PDE7A: variants seen among roughly 807,000 people sequenced by gnomAD.
PDE7A encodes phosphodiesterase 7A.
Under a neutral mutation model 64.3 loss-of-function variants are expected in PDE7A, and 39 were observed. That is an observed-to-expected ratio of 0.61 (90% confidence interval 0.47 to 0.79). The LOEUF (loss-of-function observed/expected upper bound fraction) is 0.79, where lower values mean the gene tolerates loss of function less well. Among genes scored for constraint, PDE7A ranks in the 30% least tolerant of loss-of-function variants. PDE7A has a pLI of 0.00. For synonymous variants in PDE7A, 203 were observed against 206.8 expected, an observed-to-expected ratio of 0.98 and a Z score of 0.16; for missense variants, 470 against 582.8, an observed-to-expected ratio of 0.81 and a Z score of 1.99.
chr8:65,837,346 T>C (rs57261641), intron 1 of PDE7A, among the ~76,000 whole-genome samples: 13,159 of 152,182 alleles, frequency 0.086, 1,706 homozygotes, highest in African/African-American at 0.28. Flanking sequence ...AACAAAAAAT[T>C]ACTACAGGCT....
At chr8:65,833,598 G>C (rs1250463918) in intron 1 of PDE7A, among the ~76,000 whole-genome samples, 1 of 152,242 alleles carries the variant, frequency 6.6e-6, no homozygotes, top group African/African-American at 2.4e-5. Context: ...TTAATGTCTG[G>C]AAACTCAGTT....
At chr8:65,751,733 C>T (rs1807976177) in intron 3 of PDE7A, among the ~76,000 whole-genome samples, 2 of 152,226 alleles carry the variant, frequency 1.3e-5, no homozygotes, top group South Asian at 4.1e-4. Context: ...CTCAGGTGAT[C>T]TGCCTGCCGC....
chr8:65,774,797 G>C (rs1809210000), intron 3 of PDE7A, among the ~76,000 whole-genome samples: 1 of 151,576 alleles, frequency 6.6e-6, no homozygotes, highest in Non-Finnish European at 1.5e-5. Context: ...CCAAAACAAA[G>C]AAAAATTTAA....
At chr8:65,738,208 A>T (rs1807238077) in intron 6 of PDE7A, among the ~76,000 whole-genome samples, 1 of 152,234 alleles carries the variant, frequency 6.6e-6, no homozygotes, top group African/African-American at 2.4e-5. Context: ...ATAAAATGCT[A>T]ATCATTATGT....
rs1811068563 is a variant in PDE7A at position 65,840,969 on chromosome 8, G to A, written c.138+402C>T. ...GGAGGAGAGGCGCGAACCCCGTACA[G>A]TTGTGTGTATGGGAAGGGGGACAGG... is the stretch of plus-strand genomic sequence containing the variant. On this transcript the variant is annotated intron_variant, in intron 1 of 12. Coordinates refer to ENST00000401827, the MANE Select transcript of PDE7A (RefSeq NM_001242318.3). Among the ~76,000 whole-genome samples the A allele has an allele frequency of 2.6e-5, 4 of 152,250 alleles. No individual in the cohort carries two copies. The South Asian group carries it at 8.3e-4, about 31-fold the overall frequency.
chr8:65,765,824 G>A (rs1808754499), intron 3 of PDE7A, among the ~76,000 whole-genome samples: 1 of 152,252 alleles, frequency 6.6e-6, no homozygotes, highest in South Asian at 2.1e-4. Context: ...CATGCATAAT[G>A]GGATTATAAT....
chr8:65,770,121 CTGTGTGTGTGTG>C (rs10608556), intron 3 of PDE7A, among the ~76,000 whole-genome samples: 12,582 of 146,472 alleles, frequency 0.086, 1,480 homozygotes, highest in East Asian at 0.51. Context: ...CAGTATACTT[CTGTGTGTGTGTG>C]TGTGTGTGTG....
chr8:65,823,838 T>C (rs1810600801), intron 1 of PDE7A, among the ~76,000 whole-genome samples: 1 of 152,144 alleles, frequency 6.6e-6, no homozygotes, highest in South Asian at 2.1e-4. Flanking sequence ...ATTACATCAT[T>C]ACAGCAACTA....
intron 1 of PDE7A, among the ~76,000 whole-genome samples, chr8:65,798,807 C>A (rs1447244575): frequency 6.6e-6 from 1 of 152,116 alleles, no homozygotes; most frequent in Non-Finnish European, 1.5e-5. Context: ...AATATTCATA[C>A]CAGTTTTATT....
At chr8:65,838,980 G>T (rs1034145709) in intron 1 of PDE7A, among the ~76,000 whole-genome samples, 2 of 152,174 alleles carry the variant, frequency 1.3e-5, no homozygotes, top group Non-Finnish European at 2.9e-5. Flanking sequence ...TCCAAACCAA[G>T]TTTTGGATAA....
At chr8:65,767,675 G>A (rs1237777017) in intron 3 of PDE7A, among the ~76,000 whole-genome samples, 1 of 152,114 alleles carries the variant, frequency 6.6e-6, no homozygotes, top group Non-Finnish European at 1.5e-5. Context: ...AAGAGGACTG[G>A]GTTCTGGGTG....
intron 1 of PDE7A, among the ~76,000 whole-genome samples, chr8:65,833,752 C>A (rs1227004963): frequency 2.6e-5 from 4 of 152,080 alleles, no homozygotes; most frequent in Non-Finnish European, 5.9e-5. Flanking sequence ...TCACTTGAGT[C>A]CTGGAGTTCC....
rs145172741 is a variant in PDE7A, at chr8:65,830,841, T to C, written c.138+10530A>G. Among the ~76,000 whole-genome samples the C allele has an allele frequency of 3.0e-3, 452 of 152,188 alleles. 9 individuals carry two copies. Among genetic ancestry groups the C allele is most frequent in the East Asian group, 0.012 (62 of 5,184 alleles). ...AAATTCATGAATGAATTTCCTTTTG[T>C]TGCAGAAAAATATAACATGATTGAT... On this transcript the variant is annotated intron_variant, in intron 1 of 12. Coordinates refer to ENST00000401827, the MANE Select transcript of PDE7A (RefSeq NM_001242318.3).
chr8:65,814,324 A>G (rs972634084), intron 1 of PDE7A, among the ~76,000 whole-genome samples: 1 of 151,452 alleles, frequency 6.6e-6, no homozygotes, highest in Admixed American at 6.6e-5. Context: ...ATCCCGGCTA[A>G]AACGGTGAAA....
At chr8:65,724,168 C>T in intron 11 of PDE7A, 87 bp downstream of exon 11, 1 of 775,394 alleles carries the variant, frequency 1.3e-6, no homozygotes, top group East Asian at 2.6e-5. Flanking sequence ...CTGCTAGACC[C>T]ATATAAATTA....
At chr8:65,768,803 TGATA>T (rs1325242034) in intron 3 of PDE7A, among the ~76,000 whole-genome samples, 1 of 152,178 alleles carries the variant, frequency 6.6e-6, no homozygotes, top group Non-Finnish European at 1.5e-5. Flanking sequence ...TAAATATGTA[TGATA>T]AATATTACCT....
intron 3 of PDE7A, among the ~76,000 whole-genome samples, chr8:65,770,396 G>C (rs1033469813): frequency 1.3e-5 from 2 of 152,198 alleles, no homozygotes; most frequent in African/African-American, 2.4e-5. Flanking sequence ...GGGTGAATGA[G>C]AGCCAAGCAA....
At chr8:65,770,961 A>G in intron 3 of PDE7A, 1 of 274,590 alleles carries the variant, frequency 3.6e-6, no homozygotes. Flanking sequence ...GACTCGTTAA[A>G]GTCAGAACCT....
At chr8:65,830,711 GA>G (rs903499241) in intron 1 of PDE7A, among the ~76,000 whole-genome samples, 1 of 152,046 alleles carries the variant, frequency 6.6e-6, no homozygotes, top group African/African-American at 2.4e-5. Flanking sequence ...ATCTGACACA[GA>G]GCATTATGGA....
Sources: gnomAD v4.1 joint callset for allele counts (sites outside exome capture counted in the v4.1 genomes callset) on GRCh38, gnomAD v4.1.1 for gene constraint, MANE v1.5 for transcripts, NCBI Gene and HGNC (gene_info 2026-07-23, HGNC 2026-07-21) for gene names.